EYS: variants seen among roughly 807,000 people sequenced by gnomAD.
The protein encoded by EYS is EGF-like photoreceptor maintenance factor.
A neutral mutation model predicts 282.1 loss-of-function variants in EYS; 250 were observed. That is an observed-to-expected ratio of 0.89 (90% CI 0.80 to 0.98). The LOEUF (loss-of-function observed/expected upper bound fraction) is 0.98. Among genes scored for constraint, EYS ranks in the 50% least tolerant of loss-of-function variants. The probability of loss-of-function intolerance (pLI) is 0.00; values close to 1 mark genes in which losing one functional copy is unlikely to be tolerated. For missense variants in EYS, 4,016 were observed against 3,709.0 expected (o/e 1.08, Z -2.15); for synonymous variants, 1,355 against 1,282.9 (o/e 1.06, Z -1.20).
chr6:64,343,801 G>T (rs1771239751), intron 29 of EYS, among the ~76,000 whole-genome samples: 1 of 152,088 alleles, frequency 6.6e-6, no homozygotes, highest in Admixed American at 6.6e-5. Flanking sequence ...AAAATTGATA[G>T]ACTGCTAGCC....
At chr6:65,636,453 A>C (rs1767093116) in intron 2 of EYS, among the ~76,000 whole-genome samples, 1 of 152,134 alleles carries the variant, frequency 6.6e-6, no homozygotes, top group Non-Finnish European at 1.5e-5. Context: ...ATTGCTCTTC[A>C]ACCAACTAGC....
chr6:65,629,779 T>G (rs143895000), intron 2 of EYS, among the ~76,000 whole-genome samples: 19 of 152,150 alleles, frequency 1.2e-4, no homozygotes, highest in Non-Finnish European at 2.2e-4. Context: ...TATTGATTTG[T>G]CTTGTGCATA....
At chr6:64,306,796 A>T (rs770244926) in intron 30 of EYS, among the ~76,000 whole-genome samples, 174 bp downstream of exon 30, 1 of 152,228 alleles carries the variant, frequency 6.6e-6, no homozygotes, top group East Asian at 1.9e-4. Context: ...TAATTGGGAT[A>T]TAACTTAAAA....
chr6:64,350,984 ATG>A (rs1309533479), intron 29 of EYS, among the ~76,000 whole-genome samples: 8 of 151,012 alleles, frequency 5.3e-5, no homozygotes, highest in African/African-American at 1.9e-4. Context: ...GTGTAGAAGG[ATG>A]TGTTTGCTTC....
At chr6:65,625,807 G>A (rs900075858) in intron 2 of EYS, among the ~76,000 whole-genome samples, 2 of 152,140 alleles carry the variant, frequency 1.3e-5, no homozygotes, top group Non-Finnish European at 2.9e-5. Flanking sequence ...ATTAAGCAAG[G>A]CAAATTTCTC....
At chr6:65,384,163 C>T (rs1226593580) in intron 8 of EYS, among the ~76,000 whole-genome samples, 1 of 151,796 alleles carries the variant, frequency 6.6e-6, no homozygotes, top group Non-Finnish European at 1.5e-5. Flanking sequence ...TTTATACTTA[C>T]TTTATAATAA....
intron 22 of EYS, among the ~76,000 whole-genome samples, chr6:64,661,569 C>T (rs1035530872): frequency 3.3e-5 from 5 of 151,880 alleles, no homozygotes; most frequent in Admixed American, 6.6e-5. Context: ...AAAAATTGGG[C>T]GAAGGATATG....
intron 41 of EYS, among the ~76,000 whole-genome samples, chr6:63,751,153 T>A (rs1387393419): frequency 6.6e-6 from 1 of 152,216 alleles, no homozygotes; most frequent in African/African-American, 2.4e-5. Flanking sequence ...CGTTGTTCTT[T>A]AAGATGGACT....
intron 19 of EYS, among the ~76,000 whole-genome samples, chr6:64,854,927 A>G (rs1766006098): frequency 6.6e-6 from 1 of 151,984 alleles, no homozygotes; most frequent in Non-Finnish European, 1.5e-5. Flanking sequence ...TTTTCTTTTG[A>G]AAGATATTTT....
At chr6:64,986,566 TATA>T (rs1770867068) in intron 14 of EYS, among the ~76,000 whole-genome samples, 1 of 151,200 alleles carries the variant, frequency 6.6e-6, no homozygotes, top group South Asian at 2.1e-4. Flanking sequence ...ACACAAAAAT[TATA>T]ATAATACTTA....
At chr6:65,161,815 G>A (rs1452977126) in intron 12 of EYS, among the ~76,000 whole-genome samples, 2 of 151,182 alleles carry the variant, frequency 1.3e-5, no homozygotes, top group Non-Finnish European at 3.0e-5. Context: ...AAAGAATAGA[G>A]ATCAAATCTC....
intron 12 of EYS, among the ~76,000 whole-genome samples, chr6:65,134,197 C>T (rs1457621162): frequency 1.3e-5 from 2 of 152,034 alleles, no homozygotes; most frequent in East Asian, 3.9e-4. Flanking sequence ...TTGTGGAAAG[C>T]AGTGTGGTGA....
chr6:64,724,068 GTT>G (rs5876916), intron 22 of EYS, among the ~76,000 whole-genome samples: 79 of 150,946 alleles, frequency 5.2e-4, no homozygotes, highest in Non-Finnish European at 9.0e-4. Flanking sequence ...AATCATTGTT[GTT>G]TTTTTTTTTG....
At chr6:64,788,994 A>G (rs1774102667) in intron 22 of EYS, among the ~76,000 whole-genome samples, 1 of 152,136 alleles carries the variant, frequency 6.6e-6, no homozygotes. Flanking sequence ...CCTCTCATTC[A>G]GCACCCCCAT....
chr6:65,064,775 C>T (rs141937036), intron 12 of EYS, among the ~76,000 whole-genome samples: 93 of 152,022 alleles, frequency 6.1e-4, no homozygotes, highest in African/African-American at 2.2e-3. Context: ...AGTGGACTTG[C>T]CCTCTATTCC....
Position 65,188,321 on chromosome 6 carries a change from C to A in EYS, c.2023+107542G>T, listed in dbSNP as rs145786539. Among the ~76,000 whole-genome samples, 798 of 151,686 alleles carry A rather than the reference C, an allele frequency of 5.3e-3. 8 individuals carry two copies. Among genetic ancestry groups the A allele is most frequent in the African/African-American group, 0.018 (766 of 41,470 alleles). ...AAAGTTAATGGAAATAAAAAATAATCTTAAATGCATAAAATACTAATGAAT... is the reference window on the plus strand; with the variant it reads ...AAAGTTAATGGAAATAAAAAATAATATTAAATGCATAAAATACTAATGAAT... On this transcript the variant is annotated intron_variant, in intron 12 of 42. Transcript: ENST00000503581.
intron 30 of EYS, among the ~76,000 whole-genome samples, chr6:64,297,449 C>G (rs78782958): frequency 0.014 from 2,163 of 152,244 alleles, 31 homozygotes; most frequent in East Asian, 0.049. Flanking sequence ...AAAACAACAA[C>G]CTCAGAGCTA....
intron 12 of EYS, among the ~76,000 whole-genome samples, chr6:65,274,207 C>A (rs951170541): frequency 6.6e-6 from 1 of 152,182 alleles, no homozygotes; most frequent in Non-Finnish European, 1.5e-5. Flanking sequence ...CTAGAACTAT[C>A]TCTAACCAGG....
intron 24 of EYS, among the ~76,000 whole-genome samples, chr6:64,600,126 G>A (rs1390043054): frequency 6.6e-6 from 1 of 152,058 alleles, no homozygotes; most frequent in Admixed American, 6.6e-5. Flanking sequence ...TCCTTCAGGT[G>A]ACTTGTTCCT....
Sources: gnomAD v4.1 joint callset for allele counts (sites outside exome capture counted in the v4.1 genomes callset) on GRCh38, gnomAD v4.1.1 for gene constraint, MANE v1.5 for transcripts, NCBI Gene and HGNC (gene_info 2026-07-23, HGNC 2026-07-21) for gene names.